Variants in TAB2 observed in about 807,000 individuals in gnomAD.
TAB2 encodes TGF-beta-activated kinase 1 and MAP3K7-binding protein 2.
Under a neutral mutation model 65.0 loss-of-function variants are expected in TAB2, and 3 were observed. The observed-to-expected ratio is 0.05, with a 90% CI of 0.02 to 0.12. TAB2 has a LOEUF of 0.12. TAB2 is among the 10% of genes least tolerant of loss of function. The probability of loss-of-function intolerance (pLI) is 1.00; values close to 1 mark genes in which losing one functional copy is unlikely to be tolerated. For synonymous variants in TAB2, 298 were observed against 285.1 expected, an observed-to-expected ratio of 1.05 and a Z score of -0.46; for missense variants, 623 against 840.3, an observed-to-expected ratio of 0.74 and a Z score of 3.20.
chr6:149,402,736 T>C (rs373610635), intron 6 of TAB2, among the ~76,000 whole-genome samples: 72 of 152,174 alleles, frequency 4.7e-4, no homozygotes, highest in African/African-American at 1.7e-3. Flanking sequence ...CTCAGTAAAA[T>C]ACTGGCAAAC....
At chr6:149,285,924 G>A (rs9498284) in intron 1 of TAB2, among the ~76,000 whole-genome samples, 30,443 of 152,016 alleles carry the variant, frequency 0.2, 3,269 homozygotes, top group East Asian at 0.43. Context: ...ATCTACTGCC[G>A]CTCTGAGAAC....
At chr6:149,395,511 A>C (rs866504484) in intron 3 of TAB2, among the ~76,000 whole-genome samples, 2 of 152,240 alleles carry the variant, frequency 1.3e-5, no homozygotes, top group Middle Eastern at 3.2e-3. Flanking sequence ...AATACTGAAC[A>C]TGTATATTTG....
intron 1 of TAB2, among the ~76,000 whole-genome samples, chr6:149,345,938 T>G (rs2114790760): frequency 6.6e-6 from 1 of 152,350 alleles, no homozygotes; most frequent in East Asian, 1.9e-4. Context: ...AACAAAAAGC[T>G]GCATGGTGTT....
chr6:149,321,554 C>A (rs1779456241), intron 1 of TAB2, among the ~76,000 whole-genome samples: 1 of 152,298 alleles, frequency 6.6e-6, no homozygotes, highest in African/African-American at 2.4e-5. Flanking sequence ...TGGTACTTAA[C>A]CTACATTCAT....
chr6:149,275,301 A>AAAGAAAGAAAGG (rs1491272656), intron 1 of TAB2, among the ~76,000 whole-genome samples: 3 of 112,114 alleles, frequency 2.7e-5, no homozygotes, highest in African/African-American at 3.8e-5. Context: ...AGAAAGAAAG[A>AAAGAAAGAAAGG]GAAAAAAGAA....
chr6:149,284,258 T>C (rs1043869636), intron 1 of TAB2, among the ~76,000 whole-genome samples: 12 of 152,174 alleles, frequency 7.9e-5, no homozygotes, highest in Admixed American at 6.5e-5. Context: ...TGAGTGCCTC[T>C]TGCCAACCTC....
At position 149,281,555 on chromosome 6, in the gene TAB2, C is replaced by CAAAAAAAAA. The variant is rs59196897; in HGVS notation, c.-121+62797_-121+62805dup. On this transcript the variant is annotated intron_variant, in intron 1 of 1. Coordinates refer to the TAB2 transcript ENST00000606202. ...TGAACAACACAGCAAGATGCCATCT[C>CAAAAAAAAA]AAAAAAAAAAAAAAAAAAAAAAAAA... Among the ~76,000 whole-genome samples the CAAAAAAAAA allele has an allele frequency of 5.3e-3, 376 of 70,326 alleles. 124 individuals are homozygous for CAAAAAAAAA. Among genetic ancestry groups the CAAAAAAAAA allele is most frequent in the African/African-American group, 0.018 (356 of 19,632 alleles). 46.1% of individuals were successfully genotyped at this position (70,326 alleles called of 152,430 possible).
At chr6:149,366,594 G>A (rs1781047188) in intron 1 of TAB2, among the ~76,000 whole-genome samples, 1 of 152,092 alleles carries the variant, frequency 6.6e-6, no homozygotes, top group South Asian at 2.1e-4. Context: ...TACCCTTGCT[G>A]TTTCCTTCTT....
intron 1 of TAB2, among the ~76,000 whole-genome samples, chr6:149,338,688 A>G (rs759031827): frequency 5.9e-5 from 9 of 152,234 alleles, no homozygotes; most frequent in East Asian, 5.8e-4. Context: ...GCAACCTACA[A>G]GGAGCCTAAC....
intron 1 of TAB2, among the ~76,000 whole-genome samples, chr6:149,273,938 G>C (rs1364428204): frequency 6.6e-6 from 1 of 152,162 alleles, no homozygotes; most frequent in Non-Finnish European, 1.5e-5. Context: ...CAGCCCAAGA[G>C]GTCTTAAAAA....
chr6:149,258,701 A>T (rs959799866), intron 1 of TAB2, among the ~76,000 whole-genome samples: 7 of 152,236 alleles, frequency 4.6e-5, no homozygotes, highest in Admixed American at 1.3e-4. Flanking sequence ...CCATATGCCT[A>T]TATAGTATAT....
At chr6:149,288,725 T>C (rs190579992) in intron 1 of TAB2, among the ~76,000 whole-genome samples, 77 of 152,326 alleles carry the variant, frequency 5.1e-4, no homozygotes, top group African/African-American at 1.8e-3. Flanking sequence ...CATATTCTGC[T>C]GAGTCACTTG....
chr6:149,294,159 A>G lies in TAB2; in HGVS notation c.-121+75383A>G, dbSNP rs151160979. On this transcript the variant is annotated intron_variant, in intron 1 of 1. Transcript: ENST00000606202. The stretch of plus-strand genomic sequence containing the variant: ...CATAACAGTACCACAGACTGGGGTC[A>G]CTTAAACAACAGAAATGTATTTTCT... Among the ~76,000 whole-genome samples the G allele has an allele frequency of 2.3e-3, 355 of 152,332 alleles. 1 individual carries two copies. Among genetic ancestry groups the G allele is most frequent in the African/African-American group, 8.2e-3 (339 of 41,570 alleles).
chr6:149,334,575 G>A (rs1779877915), intron 1 of TAB2, among the ~76,000 whole-genome samples: 1 of 151,976 alleles, frequency 6.6e-6, no homozygotes, highest in African/African-American at 2.4e-5. Context: ...TACTCAAGAG[G>A]CTGAGTTGAG....
At chr6:149,398,510 A>G (rs528154535) in intron 5 of TAB2, among the ~76,000 whole-genome samples, 4 of 152,238 alleles carry the variant, frequency 2.6e-5, no homozygotes, top group African/African-American at 9.6e-5. Context: ...CACACTTGGG[A>G]CTGTGTTCTA....
intron 1 of TAB2, among the ~76,000 whole-genome samples, chr6:149,275,226 G>A (rs1778438514): frequency 1.3e-5 from 1 of 78,102 alleles, no homozygotes; most frequent in South Asian, 4.0e-4. Context: ...GGGGAGGGGG[G>A]AGAGAGAGAG....
intron 1 of TAB2, among the ~76,000 whole-genome samples, chr6:149,332,323 G>A (rs1779809226): frequency 6.6e-6 from 1 of 152,094 alleles, no homozygotes; most frequent in Admixed American, 6.6e-5. Context: ...AGTTATAGTG[G>A]TATTTGTTTA....
intron 1 of TAB2, among the ~76,000 whole-genome samples, chr6:149,286,818 A>G (rs1460026508): frequency 2.0e-5 from 3 of 152,166 alleles, no homozygotes; most frequent in African/African-American, 7.2e-5. Flanking sequence ...AAGGAGACTT[A>G]AAAAATTTAG....
At chr6:149,238,880 C>G (rs985237191) in intron 1 of TAB2, among the ~76,000 whole-genome samples, 2 of 152,222 alleles carry the variant, frequency 1.3e-5, no homozygotes, top group African/African-American at 4.8e-5. Context: ...TCTTAGACGA[C>G]AGAGCCTTCG....
Sources: allele counts gnomAD v4.1 joint callset (sites outside exome capture counted in the v4.1 genomes callset), GRCh38; gene constraint gnomAD v4.1.1; transcripts MANE v1.5; gene names NCBI Gene and HGNC (gene_info 2026-07-23, HGNC 2026-07-21).